Variants in PPP1R3A observed in about 807,000 individuals in gnomAD.
The protein encoded by PPP1R3A is protein phosphatase 1 regulatory subunit 3A.
In PPP1R3A, 29 loss-of-function variants were observed where a neutral mutation model predicts 41.7. The observed-to-expected ratio is 0.70, with a 90% CI of 0.52 to 0.95. The LOEUF is 0.95. Among genes scored for constraint, PPP1R3A ranks in the 40% least tolerant of loss-of-function variants. The pLI, the probability that PPP1R3A is intolerant of heterozygous loss-of-function variation, is 0.00. For missense variants in PPP1R3A, 1,352 were observed against 1,292.4 expected (o/e 1.05, Z -0.71); for synonymous variants, 485 against 453.4 (o/e 1.07, Z -0.89).
chr7:113,886,145 T>C (rs1796781380), intron 1 of PPP1R3A, among the ~76,000 whole-genome samples: 1 of 151,978 alleles, frequency 6.6e-6, no homozygotes, highest in South Asian at 2.1e-4. Context: ...AATAAATAGT[T>C]ACACTAAAAA....
chr7:113,911,816 C>T (rs150538094), intron 1 of PPP1R3A, among the ~76,000 whole-genome samples: 4 of 152,110 alleles, frequency 2.6e-5, no homozygotes, highest in African/African-American at 9.6e-5. Context: ...CAGCATTTCT[C>T]CGTTAATCTT....
At chr7:113,887,389 G>A (rs1796803545) in intron 1 of PPP1R3A, among the ~76,000 whole-genome samples, 1 of 151,804 alleles carries the variant, frequency 6.6e-6, no homozygotes, top group African/African-American at 2.4e-5. Flanking sequence ...TAAAATATCT[G>A]TGTGTCATGA....
At chr7:113,899,411 A>G (rs1331881465) in intron 1 of PPP1R3A, among the ~76,000 whole-genome samples, 1 of 151,848 alleles carries the variant, frequency 6.6e-6, no homozygotes, top group Non-Finnish European at 1.5e-5. Context: ...CTGAGGGAGC[A>G]AAGTATCTTT....
chr7:113,877,154 C>T lies in PPP1R3A; in HGVS notation c.*569G>A, dbSNP rs553133397. 1 of 151,858 alleles carries T rather than the reference C, an allele frequency of 6.6e-6. No individual in the cohort carries two copies. Among genetic ancestry groups the T allele is most frequent in the African/African-American group, 2.4e-5 (1 of 41,430 alleles). 9.4% of individuals were successfully genotyped at this position (151,858 alleles called of 1,614,324 possible). The stretch of plus-strand genomic sequence containing the variant: ...GTGTGCATGCATCAAGTATTACACT[C>T]AAGTGAACAGAATATGTTTAAGTTT... On this transcript the variant is annotated 3_prime_UTR_variant, in exon 4 of 4. Transcript: ENST00000284601.
chr7:113,889,518 T>C (rs1796842335), intron 1 of PPP1R3A, among the ~76,000 whole-genome samples: 1 of 152,234 alleles, frequency 6.6e-6, no homozygotes, highest in East Asian at 1.9e-4. Flanking sequence ...GTTTGTTGAA[T>C]GGAAAATGCC....
In PPP1R3A at chr7:113,877,575, A is replaced by C; in HGVS notation, c.*148T>G. On this transcript the variant is annotated 3_prime_UTR_variant, in exon 4 of 4. Transcript: ENST00000284601. ...CCTATATAGAATAATTACTTATATG[A>C]AGGAGCAAACTTATTCGCGTCCCTT... 1.2e-6 allele frequency: 1 copy of C among 863,844 alleles called. No individual in the cohort carries two copies. Among genetic ancestry groups the C allele is most frequent in the Non-Finnish European group, 1.8e-6 (1 of 569,466 alleles). The allele number at this position is 863,844 out of a possible 1,614,324, so 53.5% of individuals were successfully genotyped here. A position where few individuals can be genotyped will look rare whatever the true frequency, so the allele number is the denominator to read the frequency against.
chr7:113,900,827 AT>A (rs974465085), intron 1 of PPP1R3A, among the ~76,000 whole-genome samples: 1 of 149,976 alleles, frequency 6.7e-6, no homozygotes. Flanking sequence ...TTTATAAAAA[AT>A]ATTTCTTATA....
At chr7:113,881,892 T>TTTGCGTCTAGCA (rs1796700250) in intron 3 of PPP1R3A, 147 bp downstream of exon 3, 2 of 868,752 alleles carry the variant, frequency 2.3e-6, no homozygotes, top group African/African-American at 3.4e-5. Flanking sequence ...GCCTTGTTGA[T>TTTGCGTCTAGCA]CAAGCTAGAG....
intron 1 of PPP1R3A, among the ~76,000 whole-genome samples, chr7:113,883,266 C>T (rs1206832342): frequency 1.3e-5 from 2 of 151,894 alleles, no homozygotes; most frequent in African/African-American, 2.4e-5. Context: ...TGCCTATTCT[C>T]AAGGACTTTT....
intron 1 of PPP1R3A, among the ~76,000 whole-genome samples, chr7:113,901,351 G>A (rs1797058780): frequency 1.3e-5 from 2 of 151,634 alleles, no homozygotes; most frequent in South Asian, 4.2e-4. Context: ...TCTATAGCTG[G>A]CCCACGACAG....
chr7:113,879,948 T>A lies in PPP1R3A; in HGVS notation c.1144A>T (p.Ser382Cys). The A allele has an allele frequency of 6.2e-7, 1 of 1,613,602 alleles. No homozygotes were observed. The highest frequency in any genetic ancestry group is 8.5e-7 in the Non-Finnish European group (1 of 1,179,680). The change falls in exon 4 of 4, where the codon AGC becomes TGC. Residue 382 changes from serine (S) to cysteine (C), a missense_variant. By Grantham distance (112) the Ser-to-Cys change is moderately radical. Transcript: ENST00000284601. Reference protein sequence around the residue: ...RSLSPSSSAESSVKGDFYCNE... With the variant: ...RSLSPSSSAECSVKGDFYCNE... Reference sequence around the variant, plus strand: ...CAGTAAAAATCTCCCTTTACGGAGCTTTCTGCTGATGAACTTGGAGACAGA... The same window carrying A: ...CAGTAAAAATCTCCCTTTACGGAGCATTCTGCTGATGAACTTGGAGACAGA...
chr7:113,901,443 A>T (rs115735614), intron 1 of PPP1R3A, among the ~76,000 whole-genome samples: 49 of 151,910 alleles, frequency 3.2e-4, no homozygotes, highest in African/African-American at 1.2e-3. Context: ...TCTATTTAAA[A>T]CATGGTGACA....
At chr7:113,912,340 C>A (rs1260109983) in intron 1 of PPP1R3A, among the ~76,000 whole-genome samples, 2 of 152,146 alleles carry the variant, frequency 1.3e-5, no homozygotes, top group Non-Finnish European at 2.9e-5. Context: ...GCTCCTGCCA[C>A]CCTCGAGGGG....
intron 1 of PPP1R3A, among the ~76,000 whole-genome samples, chr7:113,907,187 T>C (rs191466431): frequency 1.3e-5 from 2 of 151,838 alleles, no homozygotes; most frequent in African/African-American, 2.4e-5. Context: ...AACCCCATAA[T>C]GTATTGTTTT....
At chr7:113,882,761 T>G (rs1796715919) in intron 1 of PPP1R3A, among the ~76,000 whole-genome samples, 1 of 151,974 alleles carries the variant, frequency 6.6e-6, no homozygotes, top group Non-Finnish European at 1.5e-5. Context: ...TTCAATTAAT[T>G]TTTTGTGTTC....
At chr7:113,917,103 G>T (rs529834041) in intron 1 of PPP1R3A, among the ~76,000 whole-genome samples, 1 of 151,950 alleles carries the variant, frequency 6.6e-6, no homozygotes, top group African/African-American at 2.4e-5. Flanking sequence ...TCCCAATATC[G>T]TATCTTATGC....
intron 1 of PPP1R3A, among the ~76,000 whole-genome samples, chr7:113,903,464 C>A (rs1320443098): frequency 6.6e-6 from 1 of 151,622 alleles, no homozygotes; most frequent in Non-Finnish European, 1.5e-5. Flanking sequence ...AACACAGAAA[C>A]AATTATTTAA....
chr7:113,879,406 C>T lies in PPP1R3A; in HGVS notation c.1686G>A (p.Leu562=). ...CGGTATGTTCGCTCAGCAGAGTAGC[C>T]AGGTCTCTGTTACTAGCTCCAATCC... ...VAGIGASNRD[L]ATLLSEHTAI... Residue 562 remains leucine, a synonymous_variant, in exon 4 of 4, where the codon CTG becomes CTA. Transcript: ENST00000284601. The T allele has an allele frequency of 6.2e-7, 1 of 1,613,536 alleles. No homozygotes were observed. Among genetic ancestry groups the T allele is most frequent in the Middle Eastern group, 1.7e-4 (1 of 6,058 alleles).
At chr7:113,895,169 T>C (rs1016149308) in intron 1 of PPP1R3A, among the ~76,000 whole-genome samples, 6 of 152,120 alleles carry the variant, frequency 3.9e-5, no homozygotes, top group South Asian at 2.1e-4. Flanking sequence ...CAACTTTTTT[T>C]CCCAGCTTCT....
Sources: gnomAD v4.1 joint callset for allele counts (sites outside exome capture counted in the v4.1 genomes callset) on GRCh38, gnomAD v4.1.1 for gene constraint, MANE v1.5 for transcripts, NCBI Gene and HGNC (gene_info 2026-07-23, HGNC 2026-07-21) for gene names.